TNRC6B: variants seen among roughly 807,000 people sequenced by gnomAD.
TNRC6B encodes trinucleotide repeat-containing gene 6B protein.
In TNRC6B, 52 loss-of-function variants were observed where a neutral mutation model predicts 203.6. The ratio of observed to expected loss-of-function variants is 0.26; its 90% CI spans 0.20 to 0.32. The LOEUF (loss-of-function observed/expected upper bound fraction) is 0.32. TNRC6B is among the 10% of genes least tolerant of loss of function. The probability of loss-of-function intolerance (pLI) is 1.00; values close to 1 mark genes in which losing one functional copy is unlikely to be tolerated. For missense variants in TNRC6B, 1,923 were observed against 2,286.2 expected (o/e 0.84, Z 3.24); for synonymous variants, 838 against 845.7 (o/e 0.99, Z 0.16).
chr22:40,202,263 T>TTTGTTTTTTTG (rs1555889199), intron 1 of TNRC6B, among the ~76,000 whole-genome samples: 2 of 150,766 alleles, frequency 1.3e-5, no homozygotes, highest in African/African-American at 4.9e-5. Flanking sequence ...TTTTTTTGTT[T>TTTGTTTTTTTG]TTTTTTTTTT....
chr22:40,169,267 G>C (rs1465420994), intron 4 of TNRC6B, among the ~76,000 whole-genome samples: 1 of 151,680 alleles, frequency 6.6e-6, no homozygotes. Context: ...GAGTAGCTGG[G>C]ATCACAGGTG....
intron 2 of TNRC6B, among the ~76,000 whole-genome samples, chr22:40,118,319 G>C (rs1411980144): frequency 6.6e-6 from 1 of 150,932 alleles, no homozygotes; most frequent in Non-Finnish European, 1.5e-5. Context: ...AATGCTCTTA[G>C]ACACCTTGCT....
chr22:40,268,330 C>T (rs2070509514), intron 5 of TNRC6B, among the ~76,000 whole-genome samples: 1 of 152,186 alleles, frequency 6.6e-6, no homozygotes, highest in Non-Finnish European at 1.5e-5. Flanking sequence ...AGGTGATCCA[C>T]CCGCCTCAGT....
intron 1 of TNRC6B, among the ~76,000 whole-genome samples, chr22:40,189,327 C>T (rs1251266787): frequency 6.6e-6 from 1 of 152,156 alleles, no homozygotes; most frequent in Non-Finnish European, 1.5e-5. Context: ...TATGTATTCT[C>T]TTTTGGAAAA....
At chr22:40,094,173 A>G (rs887595389) in intron 1 of TNRC6B, among the ~76,000 whole-genome samples, 2 of 152,166 alleles carry the variant, frequency 1.3e-5, no homozygotes, top group African/African-American at 2.4e-5. Flanking sequence ...AAGCAGATGA[A>G]TTATATGTAA....
At chr22:40,267,876 A>C (rs1397253571) in intron 5 of TNRC6B, among the ~76,000 whole-genome samples, 2 of 152,014 alleles carry the variant, frequency 1.3e-5, no homozygotes, top group Non-Finnish European at 2.9e-5. Context: ...TTGCCAAAAA[A>C]AAAAGAGCGA....
chr22:40,313,089 T>C (rs1480765671), intron 19 of TNRC6B, 92 bp downstream of exon 19: 10 of 1,007,890 alleles, frequency 9.9e-6, no homozygotes, highest in Admixed American at 6.2e-5. Context: ...TCATAAGATA[T>C]ACTCTTACAG....
chr22:40,110,311 A>G (rs2146312384), intron 1 of TNRC6B, among the ~76,000 whole-genome samples: 1 of 152,340 alleles, frequency 6.6e-6, no homozygotes, highest in South Asian at 2.1e-4. Flanking sequence ...GTGACCAACA[A>G]TTGCAATAAA....
At chr22:40,238,654 C>T (rs1382798083) in intron 1 of TNRC6B, among the ~76,000 whole-genome samples, 1 of 152,142 alleles carries the variant, frequency 6.6e-6, no homozygotes, top group East Asian at 1.9e-4. Context: ...CTCAGTGAGT[C>T]TCCATTCTCA....
chr22:40,236,645 G>A lies in TNRC6B; in HGVS notation c.6-9370G>A, dbSNP rs2069951314. 2.0e-5 allele frequency among the ~76,000 whole-genome samples: 3 copies of A among 152,304 alleles called. No homozygotes were observed. In the South Asian group the frequency reaches 6.2e-4, roughly 32 times the overall value. On this transcript the variant is annotated intron_variant, in intron 1 of 22. Coordinates refer to ENST00000454349, the MANE Select transcript of TNRC6B (RefSeq NM_001162501.2). ...CCAGTCATCCAGACCTTAATGGAAGGGAAGATGCTTCTGGGAATGTGGAGC... is the reference window on the plus strand; with the variant it reads ...CCAGTCATCCAGACCTTAATGGAAGAGAAGATGCTTCTGGGAATGTGGAGC...
chr22:40,135,649 G>A (rs1055468690), intron 3 of TNRC6B, among the ~76,000 whole-genome samples: 11 of 152,172 alleles, frequency 7.2e-5, no homozygotes, highest in Admixed American at 6.5e-4. Flanking sequence ...CTACAGGTGT[G>A]CCACCATGCC....
chr22:40,092,065 A>G (rs1569257418), intron 1 of TNRC6B, among the ~76,000 whole-genome samples: 1 of 152,222 alleles, frequency 6.6e-6, no homozygotes. Flanking sequence ...AAAACACTCA[A>G]AACACTGAGC....
intron 12 of TNRC6B, among the ~76,000 whole-genome samples, chr22:40,290,646 G>A (rs1025172446): frequency 1.3e-5 from 2 of 152,166 alleles, no homozygotes; most frequent in Non-Finnish European, 2.9e-5. Flanking sequence ...CGTACAGTGT[G>A]CAGCCTGCCC....
At chr22:40,251,719 A>C (rs2070198183) in intron 3 of TNRC6B, among the ~76,000 whole-genome samples, 1 of 145,488 alleles carries the variant, frequency 6.9e-6, no homozygotes. Flanking sequence ...ACTCCGTCTC[A>C]AAAAAAAAAA....
At chr22:40,133,691 G>A (rs538533509) in intron 3 of TNRC6B, among the ~76,000 whole-genome samples, 5 of 152,170 alleles carry the variant, frequency 3.3e-5, no homozygotes, top group Admixed American at 6.5e-5. Context: ...GTAATGTGCC[G>A]GGCACGGTGG....
At chr22:40,280,766 C>T (rs2070712484) in intron 10 of TNRC6B, among the ~76,000 whole-genome samples, 1 of 152,164 alleles carries the variant, frequency 6.6e-6, no homozygotes, top group East Asian at 1.9e-4. Flanking sequence ...GTTGCTGGTC[C>T]AGACAGCAAC....
At chr22:40,169,429 C>T (rs1163464215) in intron 4 of TNRC6B, among the ~76,000 whole-genome samples, 1 of 152,068 alleles carries the variant, frequency 6.6e-6, no homozygotes, top group Admixed American at 6.6e-5. Flanking sequence ...CACACCTGGT[C>T]TGGAGTCCTA....
chr22:40,070,424 G>A (rs527511162), intron 1 of TNRC6B, among the ~76,000 whole-genome samples: 22 of 152,194 alleles, frequency 1.4e-4, no homozygotes, highest in African/African-American at 4.6e-4. Context: ...AAAAAGAAAG[G>A]GTGAAGCTCG....
rs370472947 is a variant in TNRC6B, at chr22:40,299,165, A to C, written c.3709-1290A>C. On this transcript the variant is annotated intron_variant, in intron 12 of 22. Transcript: ENST00000454349. ...GTCTCAAAAAAAAAAAAACAAAAAA[A>C]AAAAAAAAACAAAACTGGGGAGGCA... 1.6e-3 allele frequency among the ~76,000 whole-genome samples: 243 copies of C among 151,836 alleles called. 1 individual carries two copies. Among genetic ancestry groups the C allele is most frequent in the African/African-American group, 4.9e-3 (205 of 41,466 alleles).
Sources: gnomAD v4.1 joint callset for allele counts (sites outside exome capture counted in the v4.1 genomes callset) on GRCh38, gnomAD v4.1.1 for gene constraint, MANE v1.5 for transcripts, NCBI Gene and HGNC (gene_info 2026-07-23, HGNC 2026-07-21) for gene names.